DEPDC5: variants seen among roughly 807,000 people sequenced by gnomAD.
The protein encoded by DEPDC5 is DEP domain containing 5, GATOR1 subcomplex subunit.
Under a neutral mutation model 217.3 loss-of-function variants are expected in DEPDC5, and 73 were observed. The observed-to-expected ratio is 0.34, with a 90% CI of 0.28 to 0.41. The LOEUF (loss-of-function observed/expected upper bound fraction) is 0.41, where lower values mean the gene tolerates loss of function less well. DEPDC5 is among the 10% of genes least tolerant of loss of function. DEPDC5 has a pLI of 1.00. For synonymous variants in DEPDC5, 733 were observed against 756.7 expected (o/e 0.97, Z 0.51); for missense variants, 1,675 against 2,070.1 (o/e 0.81, Z 3.70).
chr22:31,769,323 G>GT (rs1161144816), intron 7 of DEPDC5: 1 of 150,724 alleles, frequency 6.6e-6, no homozygotes. Flanking sequence ...CACTATAGTA[G>GT]TTTGAGGCTT....
intron 38 of DEPDC5, among the ~76,000 whole-genome samples, chr22:31,892,937 G>A (rs1439228206): frequency 6.8e-6 from 1 of 147,330 alleles, no homozygotes; most frequent in South Asian, 2.2e-4. Context: ...GTGCAATGGC[G>A]CGATCTCGGC....
chr22:31,900,699 A>G (rs937622690), intron 40 of DEPDC5, among the ~76,000 whole-genome samples: 1 of 151,754 alleles, frequency 6.6e-6, no homozygotes. Flanking sequence ...AGATCGTGCC[A>G]TTGCACTCCA....
chr22:31,896,209 A>G (rs750073722), intron 39 of DEPDC5, among the ~76,000 whole-genome samples: 3 of 152,198 alleles, frequency 2.0e-5, no homozygotes, highest in Non-Finnish European at 4.4e-5. Context: ...AGCTTTTAAA[A>G]CTTCAGTGTA....
intron 33 of DEPDC5, among the ~76,000 whole-genome samples, chr22:31,868,418 TTTC>T (rs1482851720): frequency 5.9e-5 from 9 of 151,920 alleles, no homozygotes; most frequent in Non-Finnish European, 1.2e-4. Context: ...CTTGTTTTAT[TTTC>T]TTCATTTTAT....
intron 40 of DEPDC5, among the ~76,000 whole-genome samples, chr22:31,898,339 C>A (rs1460196077): frequency 6.6e-6 from 1 of 152,188 alleles, no homozygotes; most frequent in Non-Finnish European, 1.5e-5. Context: ...CAAAGACGAG[C>A]TGAGCTGTAC....
intron 29 of DEPDC5, among the ~76,000 whole-genome samples, chr22:31,844,474 T>C (rs16989546): frequency 0.036 from 5,545 of 152,186 alleles, 159 homozygotes; most frequent in African/African-American, 0.08. Flanking sequence ...CCCATGAAGC[T>C]CAGGGATGAC....
chr22:31,869,669 C>T (rs1359022085), intron 33 of DEPDC5, among the ~76,000 whole-genome samples: 1 of 151,784 alleles, frequency 6.6e-6, no homozygotes, highest in Non-Finnish European at 1.5e-5. Flanking sequence ...TATACACACA[C>T]GGTGTCATTT....
At position 31,887,095 on chromosome 22, in the gene DEPDC5, A is replaced by AAG. The variant is rs549203517; in HGVS notation, c.4034-6473_4034-6472dup. Among the ~76,000 whole-genome samples, 23 of 150,194 alleles carry AAG rather than the reference A, an allele frequency of 1.5e-4. 1 individual carries two copies. The South Asian group carries it at 4.4e-3, about 29-fold the overall frequency. ...GAGATTCCATCTCGAAAAAAAAAAA[A>AAG]AGAGAGAGAGAGAGAAGCAGTATAT... On this transcript the variant is annotated intron_variant, in intron 38 of 42. Transcript: ENST00000651528.
chr22:31,771,685 A>G (rs1028343503), intron 7 of DEPDC5, among the ~76,000 whole-genome samples: 6 of 140,296 alleles, frequency 4.3e-5, no homozygotes, highest in Non-Finnish European at 7.6e-5. Flanking sequence ...ACACCACTGC[A>G]CTCTAGCCTG....
chr22:31,756,038 ATTTTTTTTT>A (rs35222514), intron 2 of DEPDC5, among the ~76,000 whole-genome samples: 2 of 116,864 alleles, frequency 1.7e-5, no homozygotes, highest in African/African-American at 6.5e-5. Context: ...ACACCTGGCT[ATTTTTTTTT>A]TTTTTTTTTT....
At chr22:31,820,217 T>G (rs552734711) in intron 22 of DEPDC5, among the ~76,000 whole-genome samples, 93 of 152,104 alleles carry the variant, frequency 6.1e-4, no homozygotes, top group Non-Finnish European at 6.8e-4. Context: ...GTTCAAACAA[T>G]TCTTCTGCCT....
intron 14 of DEPDC5, among the ~76,000 whole-genome samples, chr22:31,802,169 G>T (rs1463970147): frequency 7.7e-5 from 9 of 116,428 alleles, no homozygotes; most frequent in African/African-American, 6.7e-5. Flanking sequence ...TTGCTCTGTT[G>T]CCCAGGCTGG....
chr22:31,837,187 G>C, intron 26 of DEPDC5, 32 bp downstream of exon 26: 1 of 1,611,726 alleles, frequency 6.2e-7, no homozygotes, highest in Non-Finnish European at 8.5e-7. Context: ...ACTTGGCTTG[G>C]TTGGTGAGGG....
At chr22:31,887,536 T>G (rs1390916317) in intron 38 of DEPDC5, among the ~76,000 whole-genome samples, 1 of 151,318 alleles carries the variant, frequency 6.6e-6, no homozygotes, top group Non-Finnish European at 1.5e-5. Context: ...TCTCCTGGGG[T>G]CTCTGTGTGG....
At chr22:31,790,556 C>T (rs892193717) in intron 10 of DEPDC5, among the ~76,000 whole-genome samples, 1 of 152,086 alleles carries the variant, frequency 6.6e-6, no homozygotes, top group Non-Finnish European at 1.5e-5. Context: ...TGTGGGAGTG[C>T]CTTTGATTCT....
intron 25 of DEPDC5, among the ~76,000 whole-genome samples, chr22:31,835,213 C>T (rs2090905689): frequency 6.6e-6 from 1 of 152,138 alleles, no homozygotes; most frequent in Non-Finnish European, 1.5e-5. Flanking sequence ...GATTACACTC[C>T]CCAAAGTATG....
At chr22:31,793,719 G>A (rs944971045) in intron 12 of DEPDC5, among the ~76,000 whole-genome samples, 4 of 151,924 alleles carry the variant, frequency 2.6e-5, no homozygotes, top group Non-Finnish European at 5.9e-5. Context: ...ACAGGCGCCC[G>A]TGACCACGCC....
chr22:31,762,566 C>A (rs1346931401), intron 4 of DEPDC5, among the ~76,000 whole-genome samples: 1 of 152,072 alleles, frequency 6.6e-6, no homozygotes, highest in Non-Finnish European at 1.5e-5. Flanking sequence ...GAGTTTGAGA[C>A]CAGCCTGACC....
chr22:31,782,962 A>G (rs1339737994), intron 8 of DEPDC5, among the ~76,000 whole-genome samples: 1 of 152,204 alleles, frequency 6.6e-6, no homozygotes, highest in Non-Finnish European at 1.5e-5. Context: ...GCTGTGGCTC[A>G]TGCTTATTCC....
Sources: gnomAD v4.1 joint callset for allele counts (sites outside exome capture counted in the v4.1 genomes callset) on GRCh38, gnomAD v4.1.1 for gene constraint, MANE v1.5 for transcripts, NCBI Gene and HGNC (gene_info 2026-07-23, HGNC 2026-07-21) for gene names.